SDK1: variants seen among roughly 807,000 people sequenced by gnomAD.
The protein encoded by SDK1 is sidekick cell adhesion molecule 1, also known as protein sidekick-1.
Under a neutral mutation model 245.5 loss-of-function variants are expected in SDK1, and 157 were observed. The observed-to-expected ratio is 0.64, with a 90% CI of 0.56 to 0.73. The LOEUF (loss-of-function observed/expected upper bound fraction) is 0.73. Among genes scored for constraint, SDK1 ranks in the 30% least tolerant of loss-of-function variants. SDK1 has a pLI of 0.00. For synonymous variants in SDK1, 1,647 were observed against 1,278.5 expected, an observed-to-expected ratio of 1.29 and a Z score of -6.15; for missense variants, 3,583 against 3,002.3, an observed-to-expected ratio of 1.19 and a Z score of -4.52.
intron 16 of SDK1, among the ~76,000 whole-genome samples, chr7:4,014,209 C>A (rs753489693): frequency 8.5e-5 from 13 of 152,206 alleles, no homozygotes; most frequent in Admixed American, 1.3e-4. Flanking sequence ...CAGAACCAGG[C>A]CCGGGGCACA....
At chr7:3,411,566 T>G (rs1779203323) in intron 1 of SDK1, among the ~76,000 whole-genome samples, 1 of 152,152 alleles carries the variant, frequency 6.6e-6, no homozygotes, top group African/African-American at 2.4e-5. Context: ...AGTTACAAAC[T>G]TGGCTATCTT....
chr7:4,078,930 G>T (rs1173002620), intron 21 of SDK1, among the ~76,000 whole-genome samples: 1 of 152,208 alleles, frequency 6.6e-6, no homozygotes, highest in East Asian at 1.9e-4. Flanking sequence ...AGAAGCCTAA[G>T]GCTCAAGACC....
At chr7:4,245,409 A>C (rs1213213920) in intron 43 of SDK1, among the ~76,000 whole-genome samples, 1 of 152,068 alleles carries the variant, frequency 6.6e-6, no homozygotes, top group Admixed American at 6.5e-5. Context: ...TGAGTGTCTC[A>C]CTGCCCCTCC....
At chr7:3,413,429 T>C (rs781334678) in intron 1 of SDK1, among the ~76,000 whole-genome samples, 3 of 152,168 alleles carry the variant, frequency 2.0e-5, no homozygotes, top group Non-Finnish European at 4.4e-5. Flanking sequence ...GTGCAGTGGC[T>C]CACATCTGTA....
At chr7:3,789,847 C>T (rs1278261158) in intron 4 of SDK1, among the ~76,000 whole-genome samples, 1 of 151,572 alleles carries the variant, frequency 6.6e-6, no homozygotes, top group South Asian at 2.1e-4. Flanking sequence ...GGGACTGTTG[C>T]AGTCAGAGAG....
At chr7:3,794,272 C>T (rs1388888101) in intron 4 of SDK1, among the ~76,000 whole-genome samples, 2 of 152,134 alleles carry the variant, frequency 1.3e-5, no homozygotes, top group Non-Finnish European at 2.9e-5. Flanking sequence ...TCCCTCAAGA[C>T]ACAGACACTG....
chr7:3,354,033 C>T (rs1209371527), intron 1 of SDK1, among the ~76,000 whole-genome samples: 2 of 150,458 alleles, frequency 1.3e-5, no homozygotes, highest in Non-Finnish European at 3.0e-5. Context: ...CGCTCTGTTG[C>T]CCAGGCTGGA....
intron 5 of SDK1, among the ~76,000 whole-genome samples, chr7:3,870,164 T>A (rs1163314691): frequency 6.6e-6 from 1 of 152,232 alleles, no homozygotes; most frequent in Non-Finnish European, 1.5e-5. Flanking sequence ...TATAATATTT[T>A]GCTTTTAAGA....
intron 17 of SDK1, among the ~76,000 whole-genome samples, chr7:4,040,738 C>T (rs1440953675): frequency 6.6e-6 from 1 of 152,172 alleles, no homozygotes; most frequent in Non-Finnish European, 1.5e-5. Flanking sequence ...AATCTGGCCA[C>T]CCACACCCTA....
chr7:3,984,490 C>T (rs1783665487), intron 13 of SDK1, among the ~76,000 whole-genome samples: 1 of 152,208 alleles, frequency 6.6e-6, no homozygotes, highest in South Asian at 2.1e-4. Flanking sequence ...CCCTTGAGGT[C>T]ATCAGAGAAA....
At chr7:3,663,147 A>C (rs1783418384) in intron 4 of SDK1, among the ~76,000 whole-genome samples, 1 of 152,226 alleles carries the variant, frequency 6.6e-6, no homozygotes, top group African/African-American at 2.4e-5. Context: ...AATGGTAAGC[A>C]GAAAAATTGT....
chr7:3,413,619 G>T (rs529295787), intron 1 of SDK1, among the ~76,000 whole-genome samples: 1 of 152,154 alleles, frequency 6.6e-6, no homozygotes, highest in South Asian at 2.1e-4. Flanking sequence ...TGAACCCAGG[G>T]GGCGGTGGTT....
At chr7:3,331,626 C>T (rs1780071249) in intron 1 of SDK1, among the ~76,000 whole-genome samples, 1 of 152,132 alleles carries the variant, frequency 6.6e-6, no homozygotes, top group Non-Finnish European at 1.5e-5. Context: ...TTCTGATGTC[C>T]ACTTTATCTT....
chr7:3,723,972 AGAG>A (rs1778928645), intron 4 of SDK1, among the ~76,000 whole-genome samples: 7 of 149,532 alleles, frequency 4.7e-5, no homozygotes, highest in African/African-American at 1.7e-4. Context: ...AGAGAGAGAG[AGAG>A]AGAAAGAGAG....
Position 3,941,907 on chromosome 7 carries a change from C to CTTT in SDK1, c.848-8999_848-8997dup, listed in dbSNP as rs72338979. ...TGGTATATTTGGACAAGACTTCATT[C>CTTT]TTTTTTTTTTTTTTTTTTTGAGACA... On this transcript the variant is annotated intron_variant, in intron 5 of 44. Transcript: ENST00000404826. Among the ~76,000 whole-genome samples, 747 of 128,190 alleles carry CTTT rather than the reference C, an allele frequency of 5.8e-3. 23 individuals are homozygous for CTTT. Among genetic ancestry groups the CTTT allele is most frequent in the African/African-American group, 0.02 (675 of 33,130 alleles). 84.1% of individuals were successfully genotyped at this position (128,190 alleles called of 152,430 possible). A position where few individuals can be genotyped will look rare whatever the true frequency, so the allele number is the denominator to read the frequency against.
chr7:3,817,154 A>G (rs1779528034), intron 4 of SDK1, among the ~76,000 whole-genome samples: 1 of 152,234 alleles, frequency 6.6e-6, no homozygotes, highest in Non-Finnish European at 1.5e-5. Context: ...TTATATTTTC[A>G]TGGAAGCCAA....
At chr7:3,416,531 A>C (rs1181210143) in intron 1 of SDK1, among the ~76,000 whole-genome samples, 2 of 147,170 alleles carry the variant, frequency 1.4e-5, no homozygotes, top group African/African-American at 2.5e-5. Flanking sequence ...GCTATCCTCT[A>C]CTTTTTGCCT....
chr7:3,974,211 AAAAG>A (rs1782714632), intron 12 of SDK1, among the ~76,000 whole-genome samples, 154 bp from the exon 13 acceptor site: 2 of 152,030 alleles, frequency 1.3e-5, no homozygotes, highest in South Asian at 2.1e-4. Flanking sequence ...GAAAGAAAGA[AAAAG>A]AAAAGAAAAA....
intron 5 of SDK1, among the ~76,000 whole-genome samples, chr7:3,877,762 G>T (rs1329276830): frequency 2.0e-5 from 3 of 152,080 alleles, no homozygotes; most frequent in African/African-American, 7.2e-5. Flanking sequence ...AAGTCAATGT[G>T]GATAACCCCT....
Sources: gnomAD v4.1 joint callset for allele counts (sites outside exome capture counted in the v4.1 genomes callset) on GRCh38, gnomAD v4.1.1 for gene constraint, MANE v1.5 for transcripts, NCBI Gene and HGNC (gene_info 2026-07-23, HGNC 2026-07-21) for gene names.